PCDHGA7: variants seen among roughly 807,000 people sequenced by gnomAD.
The protein encoded by PCDHGA7 is protocadherin gamma subfamily A, 7, also known as protocadherin gamma-A7.
A neutral mutation model predicts 58.3 loss-of-function variants in PCDHGA7; 44 were observed. That is an observed-to-expected ratio of 0.75 (90% confidence interval 0.59 to 0.97). PCDHGA7 has a LOEUF of 0.97. PCDHGA7 is among the 50% of genes least tolerant of loss of function. The pLI, the probability that PCDHGA7 is intolerant of heterozygous loss-of-function variation, is 0.00. For synonymous variants in PCDHGA7, 516 were observed against 504.2 expected (o/e 1.02, Z -0.31); for missense variants, 1,266 against 1,188.7 (o/e 1.06, Z -0.96).
intron 1 of PCDHGA7, chr5:141,393,113 G>A: frequency 1.2e-6 from 2 of 1,613,500 alleles, no homozygotes; most frequent in Non-Finnish European, 8.5e-7. Context: ...CTCAGAGCCC[G>A]CGGTGTCTGA....
intron 1 of PCDHGA7, chr5:141,400,117 T>C (rs2093964744): frequency 1.2e-6 from 2 of 1,614,050 alleles, no homozygotes; most frequent in Non-Finnish European, 1.7e-6. Context: ...TGCTGACAGC[T>C]TGCAGGAGGT....
At chr5:141,453,042 A>G (rs2098754438) in intron 1 of PCDHGA7, among the ~76,000 whole-genome samples, 1 of 152,116 alleles carries the variant, frequency 6.6e-6, no homozygotes, top group Non-Finnish European at 1.5e-5. Context: ...GTTTGTTTCT[A>G]TTATGTGCAG....
At position 141,418,023 on chromosome 5, in the gene PCDHGA7, G is replaced by A. The variant is rs375588252; in HGVS notation, c.2424+32700G>A. 244 of 1,613,996 alleles carry A rather than the reference G, an allele frequency of 1.5e-4. No individual in the cohort carries two copies. The Middle Eastern group carries it at 3.5e-3, about 23-fold the overall frequency. On this transcript the variant is annotated intron_variant, in intron 1 of 3. Coordinates refer to ENST00000518325, the MANE Select transcript of PCDHGA7 (RefSeq NM_018920.4). ...GTGGGGAACCTCGCTAAGGATCTAGGGCTTAGTGTCCTGGATGTGTCGGCT... is the reference window on the plus strand; with the variant it reads ...GTGGGGAACCTCGCTAAGGATCTAGAGCTTAGTGTCCTGGATGTGTCGGCT...
At chr5:141,410,403 A>G (rs752705682) in intron 1 of PCDHGA7, 2 of 1,614,028 alleles carry the variant, frequency 1.2e-6, no homozygotes, top group Admixed American at 1.7e-5. Context: ...CTCTGTGTCA[A>G]GTCTGGACCT....
intron 1 of PCDHGA7, chr5:141,440,995 C>G (rs1425894086): frequency 6.6e-6 from 1 of 152,154 alleles, no homozygotes; most frequent in Non-Finnish European, 1.5e-5. Context: ...GTACCCATAT[C>G]TAGTTTGGCC....
rs750185010 is a variant in PCDHGA7, at chr5:141,382,941, C to T, written c.42C>T (p.Phe14=). 2 of 1,594,792 alleles carry T rather than the reference C, an allele frequency of 1.3e-6. No homozygotes were observed. Among genetic ancestry groups the T allele is most frequent in the Non-Finnish European group, 1.7e-6 (2 of 1,168,436 alleles). ...GGGGCGGGGACTACAGAGGATTCTT[C>T]CTGCTCTCCATCCTCCTGGGGACCC... ...QPRGGDYRGF[F]LLSILLGTPW... Residue 14 remains phenylalanine (F), a synonymous_variant, in exon 1 of 4, where the codon TTC becomes TTT. Coordinates refer to ENST00000518325, the MANE Select transcript of PCDHGA7 (RefSeq NM_018920.4).
At position 141,489,886 on chromosome 5, in the gene PCDHGA7, G is replaced by A; in HGVS notation, c.2425-4921G>A. ...ACATCAGCTGGTGCTTACTGCTGTG[G>A]ATGGGGGGACCCCAGCCCGCTCAGG... is the stretch of plus-strand genomic sequence containing the variant. On this transcript the variant is annotated intron_variant, in intron 1 of 3. Transcript: ENST00000518325. This position sits in a 1 kb window ranked among gnomAD's most constrained non-coding sequence, Gnocchi z 4.5. 6.2e-7 allele frequency: 1 copy of A among 1,614,256 alleles called. No individual in the cohort carries two copies. The highest frequency in any genetic ancestry group is 8.5e-7 in the Non-Finnish European group (1 of 1,180,044).
In PCDHGA7 at chr5:141,512,874, C is replaced by G. The variant is rs2099884476; in HGVS notation, c.*1701C>G. The G allele has an allele frequency of 6.6e-6, 1 of 152,246 alleles. No homozygotes were observed. Among genetic ancestry groups the G allele is most frequent in the Non-Finnish European group, 1.5e-5 (1 of 68,062 alleles). 9.4% of individuals were successfully genotyped at this position (152,246 alleles called of 1,614,324 possible). ...CTTCTCTTCGCATAGTCACGTAGCT[C>G]CCACCCCACCCTCTTCCTGTGTCTC... On this transcript the variant is annotated 3_prime_UTR_variant, in exon 4 of 4. Transcript: ENST00000518325.
chr5:141,405,838 T>C (rs1561702145), intron 1 of PCDHGA7, among the ~76,000 whole-genome samples: 4 of 152,300 alleles, frequency 2.6e-5, no homozygotes, highest in Admixed American at 2.0e-4. Flanking sequence ...TAGTATAAGT[T>C]GATATCAGTG....
chr5:141,414,588 G>A, intron 1 of PCDHGA7: 1 of 1,613,872 alleles, frequency 6.2e-7, no homozygotes, highest in Non-Finnish European at 8.5e-7. Flanking sequence ...ACAACGCCAG[G>A]GGTGCCTCCA....
At chr5:141,419,325 A>C in intron 1 of PCDHGA7, 1 of 1,613,702 alleles carries the variant, frequency 6.2e-7, no homozygotes, top group African/African-American at 1.3e-5. Flanking sequence ...CGTGTCTCCT[A>C]CTCTCTCATT....
rs1594951324 is a variant in PCDHGA7, at chr5:141,490,871, T to G, written c.2425-3936T>G. 6.2e-7 allele frequency: 1 copy of G among 1,613,918 alleles called. No individual in the cohort carries two copies. The highest frequency in any genetic ancestry group is 8.5e-7 in the Non-Finnish European group (1 of 1,179,944). On this transcript the variant is annotated intron_variant, in intron 1 of 3. Coordinates refer to ENST00000518325, the MANE Select transcript of PCDHGA7 (RefSeq NM_018920.4). This position sits in a 1 kb window ranked among gnomAD's most constrained non-coding sequence, Gnocchi z 5.4. ...GTTCGAGACTCCGGCTCTCCCCCAT[T>G]GCATGCCAACACATCTCTGCATGTG...
At position 141,486,182 on chromosome 5, in the gene PCDHGA7, C is replaced by G. The variant is rs1288782056; in HGVS notation, c.2425-8625C>G. On this transcript the variant is annotated intron_variant, in intron 1 of 3. Transcript: ENST00000518325. This position sits in a 1 kb window ranked among gnomAD's most constrained non-coding sequence, Gnocchi z 5.0. ...AGCCATGGAGCAACATTGCAGCCTT[C>G]GAGTGGATCTGCTGGACGTAAATGA... 1 of 1,614,198 alleles carries G rather than the reference C, an allele frequency of 6.2e-7. No individual in the cohort carries two copies. Among genetic ancestry groups the G allele is most frequent in the Non-Finnish European group, 8.5e-7 (1 of 1,180,028 alleles).
chr5:141,476,565 C>T lies in PCDHGA7; in HGVS notation c.2425-18242C>T. 6.2e-7 allele frequency: 1 copy of T among 1,614,184 alleles called. No individual in the cohort carries two copies. Among genetic ancestry groups the T allele is most frequent in the Non-Finnish European group, 8.5e-7 (1 of 1,180,034 alleles). On this transcript the variant is annotated intron_variant, in intron 1 of 3. Coordinates refer to ENST00000518325, the MANE Select transcript of PCDHGA7 (RefSeq NM_018920.4). This position sits in a 1 kb window ranked among gnomAD's most constrained non-coding sequence, Gnocchi z 7.6. ...TTGGAGATTAGCGAGGCCGTGGCTC[C>T]GGGGACGCGCTTTCCGCTCGAGAGC...
rs772255343 is a variant in PCDHGA7, at chr5:141,432,272, G to C, written c.2424+46949G>C. On this transcript the variant is annotated intron_variant, in intron 1 of 3. Coordinates refer to ENST00000518325, the MANE Select transcript of PCDHGA7 (RefSeq NM_018920.4). This position sits in a 1 kb window ranked among gnomAD's most constrained non-coding sequence, Gnocchi z 6.0. ...CCAAGGGGCAAGCCTATCGTCCTAC[G>C]TGTCCATCAACTCCGACACTGGGGT... The C allele has an allele frequency of 3.1e-6, 5 of 1,614,210 alleles. No individual in the cohort carries two copies. Among genetic ancestry groups the C allele is most frequent in the Non-Finnish European group, 4.2e-6 (5 of 1,180,042 alleles).
At position 141,431,747 on chromosome 5, in the gene PCDHGA7, C is replaced by T. The variant is rs371020840; in HGVS notation, c.2424+46424C>T. The T allele has an allele frequency of 5.0e-6, 8 of 1,614,064 alleles. No individual in the cohort carries two copies. In the Admixed American group the frequency reaches 5.0e-5, roughly 10 times the overall value. On this transcript the variant is annotated intron_variant, in intron 1 of 3. Transcript: ENST00000518325. This position sits in a 1 kb window ranked among gnomAD's most constrained non-coding sequence, Gnocchi z 4.8. ...AATGGATAATGCAGGATATTCTGCG[C>T]GAGCCAAAGTCCTGATCACTGTTCT...
Position 141,490,310 on chromosome 5 carries a change from A to G in PCDHGA7, c.2425-4497A>G. 2 of 1,614,082 alleles carry G rather than the reference A, an allele frequency of 1.2e-6. No homozygotes were observed. Among genetic ancestry groups the G allele is most frequent in the South Asian group, 2.2e-5 (2 of 91,078 alleles). ...GAGGTGCTATTGGCCTCTTTGGCCA[A>G]CCCTGTCCTAGAGAGCACACCAGTG... On this transcript the variant is annotated intron_variant, in intron 1 of 3. Transcript: ENST00000518325. The surrounding 1 kb of genome is among the most constrained non-coding windows in gnomAD (Gnocchi z 5.4).
At chr5:141,396,104 A>T (rs1423560620) in intron 1 of PCDHGA7, 1 of 152,258 alleles carries the variant, frequency 6.6e-6, no homozygotes, top group African/African-American at 2.4e-5. Flanking sequence ...TGTTGATATT[A>T]AGAACCAATG....
chr5:141,404,348 G>T lies in PCDHGA7; in HGVS notation c.2424+19025G>T, dbSNP rs370966293. 60 of 1,613,640 alleles carry T rather than the reference G, an allele frequency of 3.7e-5. No individual in the cohort carries two copies. The highest frequency in any genetic ancestry group is 4.9e-5 in the Non-Finnish European group (58 of 1,179,784). ...CTCAGTCTACCTCCCGGAAAACAAC[G>T]CCAGAGGTACTTCCATCTTCTCCGT... On this transcript the variant is annotated intron_variant, in intron 1 of 3. Coordinates refer to ENST00000518325, the MANE Select transcript of PCDHGA7 (RefSeq NM_018920.4).
Sources: allele counts gnomAD v4.1 joint callset (sites outside exome capture counted in the v4.1 genomes callset), GRCh38; gene constraint gnomAD v4.1.1; non-coding constraint Gnocchi (gnomAD v3.1); transcripts MANE v1.5; gene names NCBI Gene and HGNC (gene_info 2026-07-23, HGNC 2026-07-21).